Variants in TENM3 observed in about 807,000 individuals in gnomAD.
TENM3 encodes teneurin transmembrane protein 3.
Under a neutral mutation model 255.1 loss-of-function variants are expected in TENM3, and 63 were observed. The observed-to-expected ratio is 0.25, with a 90% CI of 0.20 to 0.30. TENM3 has a LOEUF of 0.30. Ranked by LOEUF, TENM3 falls within the 10% of genes least tolerant of loss-of-function variation. TENM3 has a pLI of 1.00. For synonymous variants in TENM3, 1,306 were observed against 1,322.3 expected (o/e 0.99, Z 0.27); for missense variants, 2,929 against 3,461.1 (o/e 0.85, Z 3.86).
intron 3 of TENM3, among the ~76,000 whole-genome samples, chr4:182,494,727 T>G (rs1009754547): frequency 3.3e-5 from 5 of 152,202 alleles, no homozygotes; most frequent in African/African-American, 1.2e-4. Context: ...ACCAGTCATT[T>G]TTTCCCTGAT....
chr4:181,576,552 G>A, the TENM3 span, among the ~76,000 whole-genome samples: 1 of 152,090 alleles, frequency 6.6e-6, no homozygotes, highest in Non-Finnish European at 1.5e-5. Flanking sequence ...AGTGTGGAAG[G>A]AAGGACGCAG....
rs182597361 is a variant in TENM3, at chr4:182,700,078, G to A, written c.2221+11727G>A. On this transcript the variant is annotated intron_variant, in intron 12 of 27. Coordinates refer to ENST00000511685, the MANE Select transcript of TENM3 (RefSeq NM_001080477.4). ...CAGCAAGGAAGAGAAAGATTCTCTC[G>A]AGTTCCAGATTATAAGGATGCCACA... Among the ~76,000 whole-genome samples the A allele has an allele frequency of 3.3e-5, 5 of 152,260 alleles. No individual in the cohort carries two copies. The East Asian group carries it at 7.7e-4, about 23-fold the overall frequency.
At chr4:181,621,621 A>G in the TENM3 span, among the ~76,000 whole-genome samples, 1 of 152,184 alleles carries the variant, frequency 6.6e-6, no homozygotes, top group Non-Finnish European at 1.5e-5. Flanking sequence ...GGTCTCACAC[A>G]CACAAAAAAA....
chr4:182,297,655 G>A (rs1203874690), intron 1 of TENM3, among the ~76,000 whole-genome samples: 1 of 152,196 alleles, frequency 6.6e-6, no homozygotes, highest in Non-Finnish European at 1.5e-5. Context: ...AATAGCTCCT[G>A]TAGTGTGGAA....
At chr4:182,407,548 A>G (rs1417137024) in intron 3 of TENM3, among the ~76,000 whole-genome samples, 1 of 152,218 alleles carries the variant, frequency 6.6e-6, no homozygotes, top group Non-Finnish European at 1.5e-5. Context: ...AACCTAAATG[A>G]CACTGGTGTT....
rs149215809 is a variant in TENM3 at position 182,460,305 on chromosome 4, T to C, written c.511+113376T>C. Among the ~76,000 whole-genome samples, 11 of 152,316 alleles carry C rather than the reference T, an allele frequency of 7.2e-5. No homozygotes were observed. The East Asian group carries it at 1.2e-3, about 16-fold the overall frequency. ...TATAATTCTATGTATATTAGACTTA[T>C]CTGTTTAAGACAATTTATTTTATAT... On this transcript the variant is annotated intron_variant, in intron 3 of 27. Transcript: ENST00000511685.
the TENM3 span, among the ~76,000 whole-genome samples, chr4:181,810,498 T>A: frequency 3.9e-5 from 6 of 151,974 alleles, no homozygotes; most frequent in Non-Finnish European, 8.8e-5. Context: ...GAGTGCAGTA[T>A]GTTTCTGCTG....
intron 3 of TENM3, among the ~76,000 whole-genome samples, chr4:182,436,959 C>T (rs895410159): frequency 8.0e-5 from 12 of 149,550 alleles, no homozygotes; most frequent in East Asian, 2.0e-4. Flanking sequence ...ACCCAGGAGG[C>T]GGAGGTTACA....
At chr4:182,441,971 T>C (rs1322710266) in intron 3 of TENM3, among the ~76,000 whole-genome samples, 3 of 152,080 alleles carry the variant, frequency 2.0e-5, no homozygotes, top group African/African-American at 7.2e-5. Context: ...TATAGTACGA[T>C]GAAGGCAGGA....
the TENM3 span, among the ~76,000 whole-genome samples, chr4:182,016,278 A>G: frequency 6.6e-6 from 1 of 152,230 alleles, no homozygotes; most frequent in Non-Finnish European, 1.5e-5. Flanking sequence ...AGATGATCTC[A>G]TTCACCATTT....
At chr4:181,455,700 T>C in the TENM3 span, among the ~76,000 whole-genome samples, 1 of 151,940 alleles carries the variant, frequency 6.6e-6, no homozygotes, top group Admixed American at 6.6e-5. Flanking sequence ...GAGGGTTTAG[T>C]GGAGTGTCGA....
chr4:182,105,368 C>A, the TENM3 span, among the ~76,000 whole-genome samples: 1 of 152,114 alleles, frequency 6.6e-6, no homozygotes, highest in Admixed American at 6.6e-5. Flanking sequence ...AGAGTTTGAG[C>A]CAACTACTCA....
intron 1 of TENM3, among the ~76,000 whole-genome samples, chr4:182,304,276 G>T (rs1052651684): frequency 2.0e-5 from 3 of 151,860 alleles, no homozygotes; most frequent in Non-Finnish European, 2.9e-5. Flanking sequence ...GCAGTGGTAC[G>T]ATCTTGGCTT....
chr4:182,739,704 T>C (rs1338100985), intron 18 of TENM3, among the ~76,000 whole-genome samples: 1 of 152,214 alleles, frequency 6.6e-6, no homozygotes. Flanking sequence ...CTTCCAAATA[T>C]ATACAGAATA....
chr4:182,708,037 A>T (rs1267701053), intron 12 of TENM3: 1 of 147,390 alleles, frequency 6.8e-6, no homozygotes, highest in Non-Finnish European at 1.5e-5. Context: ...CGACATTGTG[A>T]TAGAGTGGTT....
At chr4:181,659,398 A>G in the TENM3 span, among the ~76,000 whole-genome samples, 6 of 152,272 alleles carry the variant, frequency 3.9e-5, no homozygotes, top group South Asian at 1.2e-3. Context: ...TTTCTTGCAC[A>G]GGATCCAAGA....
At chr4:181,493,141 C>T in the TENM3 span, among the ~76,000 whole-genome samples, 1 of 151,778 alleles carries the variant, frequency 6.6e-6, no homozygotes, top group Non-Finnish European at 1.5e-5. Context: ...TCAAAACAGC[C>T]TAGATGAGGC....
intron 3 of TENM3, among the ~76,000 whole-genome samples, chr4:182,516,543 G>A: frequency 6.6e-6 from 1 of 152,082 alleles, no homozygotes; most frequent in East Asian, 1.9e-4. Context: ...TTTTTTTAGA[G>A]TTGGCTGTAC....
chr4:182,323,772 T>A (rs558949641), intron 1 of TENM3, among the ~76,000 whole-genome samples, 174 bp from the exon 2 acceptor site: 16 of 152,328 alleles, frequency 1.1e-4, no homozygotes, highest in African/African-American at 3.4e-4. Context: ...CTTCACCTCT[T>A]GGTGATACAA....
Sources: gnomAD v4.1 joint callset for allele counts (sites outside exome capture counted in the v4.1 genomes callset) on GRCh38, gnomAD v4.1.1 for gene constraint, MANE v1.5 for transcripts, NCBI Gene and HGNC (gene_info 2026-07-23, HGNC 2026-07-21) for gene names.